The following RBM47 variants were observed in gnomAD, a reference collection of about 807,000 sequenced individuals.
RBM47 encodes the protein RNA binding motif protein 47, also known as RNA-binding protein 47.
Under a neutral mutation model 47.1 loss-of-function variants are expected in RBM47, and 21 were observed. That is an observed-to-expected ratio of 0.45 (90% CI 0.32 to 0.64). The LOEUF (loss-of-function observed/expected upper bound fraction) is 0.64. Among genes scored for constraint, RBM47 ranks in the 30% least tolerant of loss-of-function variants. The probability of loss-of-function intolerance (pLI) is 0.05; values close to 1 mark genes in which losing one functional copy is unlikely to be tolerated. For synonymous variants in RBM47, 375 were observed against 361.7 expected, an observed-to-expected ratio of 1.04 and a Z score of -0.42; for missense variants, 708 against 870.9, an observed-to-expected ratio of 0.81 and a Z score of 2.35.
chr4:40,500,880 A>G (rs1266543949), intron 2 of RBM47, among the ~76,000 whole-genome samples: 1 of 152,200 alleles, frequency 6.6e-6, no homozygotes, highest in Admixed American at 6.5e-5. Flanking sequence ...TATCACAGAA[A>G]ACACTGACCA....
intron 2 of RBM47, among the ~76,000 whole-genome samples, chr4:40,496,851 C>T (rs1722663501): frequency 6.6e-6 from 1 of 151,926 alleles, no homozygotes; most frequent in African/African-American, 2.4e-5. Context: ...ACTAGCCTGA[C>T]CAACATGGTG....
At chr4:40,493,847 G>A (rs1350356355) in intron 2 of RBM47, among the ~76,000 whole-genome samples, 5 of 150,986 alleles carry the variant, frequency 3.3e-5, no homozygotes, top group South Asian at 2.1e-4. Context: ...GTTGAGGCAC[G>A]AGAGTTGCTT....
intron 1 of RBM47, among the ~76,000 whole-genome samples, chr4:40,567,997 C>CT (rs1560474299): frequency 4.6e-5 from 7 of 151,686 alleles, no homozygotes; most frequent in South Asian, 4.2e-4. Flanking sequence ...CAACAATATT[C>CT]TTTTTTTTAA....
intron 2 of RBM47, among the ~76,000 whole-genome samples, chr4:40,537,201 T>A (rs963862700): frequency 6.6e-6 from 1 of 151,846 alleles, no homozygotes; most frequent in Non-Finnish European, 1.5e-5. Context: ...AGCCTTGACC[T>A]CATAGGCTCA....
intron 3 of RBM47, among the ~76,000 whole-genome samples, chr4:40,450,696 A>T (rs1715280871): frequency 6.6e-6 from 1 of 152,140 alleles, no homozygotes; most frequent in African/African-American, 2.4e-5. Flanking sequence ...TCTCTAACCC[A>T]GGGTTTTTGA....
At chr4:40,604,371 T>G (rs147116599) in intron 1 of RBM47, among the ~76,000 whole-genome samples, 3,617 of 152,232 alleles carry the variant, frequency 0.024, 166 homozygotes, top group African/African-American at 0.082. Flanking sequence ...ACACCTGTAA[T>G]CCCAACACTT....
rs76843548 is a variant in RBM47 at position 40,430,360 on chromosome 4, A to G, written c.1542+2291T>C. ...GACCTGACCAGAACTCACAGTGCAC[A>G]TGAAAGACAAGTGTTCATGAATTTC... On this transcript the variant is annotated intron_variant, in intron 6 of 6. Coordinates refer to ENST00000295971, the MANE Select transcript of RBM47 (RefSeq NM_001098634.2). Among the ~76,000 whole-genome samples, 293 of 152,370 alleles carry G rather than the reference A, an allele frequency of 1.9e-3. 6 individuals carry two copies. The East Asian group carries it at 0.049, about 26-fold the overall frequency.
intron 1 of RBM47, among the ~76,000 whole-genome samples, chr4:40,581,944 C>T (rs1298965236): frequency 6.6e-6 from 1 of 152,048 alleles, no homozygotes; most frequent in Non-Finnish European, 1.5e-5. Context: ...CTCCCCCGAA[C>T]CCGCTTCCCC....
intron 6 of RBM47, among the ~76,000 whole-genome samples, chr4:40,431,452 A>C (rs1715984711): frequency 6.6e-6 from 1 of 152,090 alleles, no homozygotes; most frequent in Non-Finnish European, 1.5e-5. Context: ...AGGTCAGGAG[A>C]TTGAGACTAT....
intron 3 of RBM47, among the ~76,000 whole-genome samples, chr4:40,456,546 C>CT (rs772807820): frequency 0.034 from 3,990 of 118,656 alleles, 79 homozygotes; most frequent in Non-Finnish European, 0.052. Flanking sequence ...GTCCCATTTT[C>CT]TTTTTTTTTT....
chr4:40,484,880 T>C (rs1043515257), intron 2 of RBM47, among the ~76,000 whole-genome samples: 3 of 152,248 alleles, frequency 2.0e-5, no homozygotes, highest in Non-Finnish European at 4.4e-5. Flanking sequence ...AATTGTGTAT[T>C]TGTCATTTGG....
intron 2 of RBM47, among the ~76,000 whole-genome samples, chr4:40,505,339 C>T (rs1723948048): frequency 6.6e-6 from 1 of 151,464 alleles, no homozygotes; most frequent in South Asian, 2.1e-4. Flanking sequence ...TAAAAACACA[C>T]AAATTAGCCA....
intron 1 of RBM47, among the ~76,000 whole-genome samples, chr4:40,616,025 T>C (rs1183954166): frequency 6.6e-6 from 1 of 152,148 alleles, no homozygotes; most frequent in Non-Finnish European, 1.5e-5. Flanking sequence ...TTCTTCTACC[T>C]CCATCCAATT....
intron 3 of RBM47, among the ~76,000 whole-genome samples, chr4:40,457,258 A>G (rs1291109602): frequency 6.6e-6 from 1 of 150,706 alleles, no homozygotes; most frequent in East Asian, 2.0e-4. Context: ...CATCTCTACT[A>G]AAAAATACAA....
chr4:40,617,543 G>A (rs1386621160), intron 1 of RBM47, among the ~76,000 whole-genome samples: 1 of 152,010 alleles, frequency 6.6e-6, no homozygotes, highest in East Asian at 1.9e-4. Flanking sequence ...TGGTGACAGA[G>A]TGAGACTCCA....
chr4:40,500,898 G>T (rs1723270337), intron 2 of RBM47, among the ~76,000 whole-genome samples: 1 of 152,102 alleles, frequency 6.6e-6, no homozygotes, highest in South Asian at 2.1e-4. Context: ...CCATGGTCGT[G>T]ACATTCTTTG....
At chr4:40,551,021 C>T (rs995201491) in intron 1 of RBM47, among the ~76,000 whole-genome samples, 3 of 152,082 alleles carry the variant, frequency 2.0e-5, no homozygotes, top group Non-Finnish European at 4.4e-5. Flanking sequence ...GTTCACTGAA[C>T]AAGCTGCCCT....
chr4:40,560,027 T>G (rs1730459539), intron 1 of RBM47, among the ~76,000 whole-genome samples: 1 of 152,202 alleles, frequency 6.6e-6, no homozygotes, highest in Admixed American at 6.5e-5. Flanking sequence ...GCGCTCACTT[T>G]CTTGATATTA....
intron 5 of RBM47, 78 bp from the exon 6 acceptor site, chr4:40,432,940 TTTTTTA>T: frequency 1.3e-6 from 2 of 1,519,898 alleles, no homozygotes; most frequent in African/African-American, 1.4e-5. Flanking sequence ...CTCTAAGATA[TTTTTTA>T]TTTTTATTTT....
Sources: allele counts gnomAD v4.1 joint callset (sites outside exome capture counted in the v4.1 genomes callset), GRCh38; gene constraint gnomAD v4.1.1; transcripts MANE v1.5; gene names NCBI Gene and HGNC (gene_info 2026-07-23, HGNC 2026-07-21).